Variants in ZNF229 observed in about 807,000 individuals in gnomAD.
The protein encoded by ZNF229 is zinc finger protein 229.
Under a neutral mutation model 11.8 loss-of-function variants are expected in ZNF229, and 10 were observed. That is an observed-to-expected ratio of 0.85 (90% confidence interval 0.52 to 1.44). The LOEUF (loss-of-function observed/expected upper bound fraction) is 1.44. Among genes scored for constraint, ZNF229 ranks in the 40% most tolerant of loss-of-function variants. The pLI is 0.00. For synonymous variants in ZNF229, 368 were observed against 374.8 expected (o/e 0.98, Z 0.21); for missense variants, 1,045 against 1,015.1 (o/e 1.03, Z -0.40).
rs1971657824 is a variant in ZNF229 at position 44,429,302 on chromosome 19, C to A, written c.1479G>T (p.Lys493Asn). 6.2e-7 allele frequency: 1 copy of A among 1,614,008 alleles called. No individual in the cohort carries two copies. Among genetic ancestry groups the A allele is most frequent in the African/African-American group, 1.3e-5 (1 of 74,866 alleles). ...HTGERPYQCD[K>N]CGKGFSHNSY... ...AGTTGTGACTGAAACCTTTGCCACA[C>A]TTGTCACACTGGTAGGGCCTCTCGC... The change falls in exon 6 of 6, where the codon AAG becomes AAT. Residue 493 changes from lysine (K) to asparagine (N), a missense_variant. By Grantham distance (94) the Lys-to-Asn change is moderately conservative. Transcript: ENST00000614049.
chr19:44,432,118 T>C (rs1373364622), intron 5 of ZNF229, 104 bp downstream of exon 5: 3 of 1,484,662 alleles, frequency 2.0e-6, no homozygotes, highest in Admixed American at 2.5e-5. Context: ...TTACAGCAGC[T>C]GAAACTAAGA....
At chr19:44,438,790 G>T (rs1971857693) in intron 4 of ZNF229, among the ~76,000 whole-genome samples, 1 of 152,156 alleles carries the variant, frequency 6.6e-6, no homozygotes, top group East Asian at 1.9e-4. Context: ...TTCTGGGAAG[G>T]TGACATGCCC....
Position 44,430,205 on chromosome 19 carries a change from A to G in ZNF229, c.576T>C (p.Phe192=). ...IPIQGSWAKA[F]VNQLGDVQER... ...CTTGAACATCCCCTAACTGGTTCACAAACGCTTTTGCCCAAGATCCTTGAA... is the reference window on the plus strand; with the variant it reads ...CTTGAACATCCCCTAACTGGTTCACGAACGCTTTTGCCCAAGATCCTTGAA... Residue 192 remains phenylalanine (F), a synonymous_variant, in exon 6 of 6, where the codon TTT becomes TTC. Transcript: ENST00000614049. 6.2e-7 allele frequency: 1 copy of G among 1,614,108 alleles called. No homozygotes were observed. The highest frequency in any genetic ancestry group is 8.5e-7 in the Non-Finnish European group (1 of 1,180,042).
intron 4 of ZNF229, among the ~76,000 whole-genome samples, chr19:44,436,203 T>A (rs149243691): frequency 6.6e-6 from 1 of 152,142 alleles, no homozygotes; most frequent in African/African-American, 2.4e-5. Flanking sequence ...CAAGACCCCA[T>A]ATCTACAAAA....
intron 5 of ZNF229, 69 bp downstream of exon 5, chr19:44,432,153 T>C: frequency 3.9e-6 from 6 of 1,539,394 alleles, no homozygotes; most frequent in Non-Finnish European, 5.2e-6. Flanking sequence ...GGATTTAACC[T>C]GTGTAAAAAA....
chr19:44,428,511 C>T lies in ZNF229; in HGVS notation c.2270G>A (p.Gly757Asp). The change falls in exon 6 of 6, where the codon GGT (glycine) becomes GAT (aspartate). Residue 757 changes from glycine to aspartate, a missense_variant. Physicochemically the swap from Gly to Asp is moderately conservative, Grantham distance 94 (BLOSUM62 -1). Transcript: ENST00000614049. The stretch of plus-strand genomic sequence containing the variant: ...CTCACCAGTGTGGACCCTCTGATGA[C>T]CTTGAAGATGTGAGCTCTGACTATA... ...KGYSQSSHLQ[G>D]HQRVHTGEKP... 6.2e-7 allele frequency: 1 copy of T among 1,609,444 alleles called. No homozygotes were observed. Among genetic ancestry groups the T allele is most frequent in the South Asian group, 1.1e-5 (1 of 90,892 alleles).
rs956473117 is a variant in ZNF229 at position 44,426,701 on chromosome 19, A to G, written c.*1602T>C. 1.3e-5 allele frequency: 2 copies of G among 151,994 alleles called. No homozygotes were observed. The highest frequency in any genetic ancestry group is 2.9e-5 in the Non-Finnish European group (2 of 68,026). 9.4% of individuals were successfully genotyped at this position (151,994 alleles called of 1,614,324 possible). The stretch of plus-strand genomic sequence containing the variant: ...TATTTTAAAAATGTTTTAAATTTAA[A>G]AACTCCACCTTCTGCATGCGTTTTT... On this transcript the variant is annotated 3_prime_UTR_variant, in exon 6 of 6. Coordinates refer to ENST00000614049, the MANE Select transcript of ZNF229 (RefSeq NM_014518.4).
At chr19:44,444,527 G>A (rs1438351627) in intron 2 of ZNF229, among the ~76,000 whole-genome samples, 1 of 152,152 alleles carries the variant, frequency 6.6e-6, no homozygotes, top group Non-Finnish European at 1.5e-5. Context: ...GAAGAGTAGA[G>A]GCCAGATCTG....
At position 44,429,691 on chromosome 19, in the gene ZNF229, G is replaced by C. The variant is rs914557388; in HGVS notation, c.1090C>G (p.Leu364Val). ...CGKGFRYKSV[L>V]LIHQGVHTGR... is the part of the protein sequence containing the mutation. ...GTGTGCACCCCTTGATGAATAAGAA[G>C]AACCGATTTATACCTGAACCCCTTT... Residue 364 changes from leucine to valine, a missense_variant, in exon 6 of 6, where the codon CTT becomes GTT. Leu to Val is a conservative substitution (Grantham distance 32). Transcript: ENST00000614049. 6.2e-7 allele frequency: 1 copy of C among 1,614,108 alleles called. No homozygotes were observed.
chr19:44,429,855 T>C lies in ZNF229; in HGVS notation c.926A>G (p.Asn309Ser). 2 of 1,614,038 alleles carry C rather than the reference T, an allele frequency of 1.2e-6. No individual in the cohort carries two copies. Residue 309 changes from asparagine (N) to serine (S), a missense_variant, in exon 6 of 6, where the codon AAC (asparagine) becomes AGC (serine). Coordinates refer to ENST00000614049, the MANE Select transcript of ZNF229 (RefSeq NM_014518.4). ...SEGLRHSAHL[N>S]RHQRVPTGEK... ...TCCTGTGGGAACTCTTTGATGTCTG[T>C]TAAGATGGGCACTGTGCCTCAAGCC...
intron 4 of ZNF229, among the ~76,000 whole-genome samples, chr19:44,438,938 C>G (rs1600025835): frequency 6.6e-6 from 1 of 152,244 alleles, no homozygotes; most frequent in Admixed American, 6.5e-5. Context: ...GCTGCTCTAG[C>G]AAATTAATCA....
At chr19:44,442,537 T>C in intron 4 of ZNF229, 26 bp downstream of exon 4, 5 of 1,612,404 alleles carry the variant, frequency 3.1e-6, no homozygotes, top group Non-Finnish European at 4.2e-6. Flanking sequence ...AGGTGGTATT[T>C]CGGGAGAGAA....
Position 44,442,974 on chromosome 19 carries a change from T to A in ZNF229, c.-127A>T. On this transcript the variant is annotated 5_prime_UTR_variant, in exon 3 of 6. Transcript: ENST00000614049. ...AACTCTCCAAGCTCTGACAAGTTCC[T>A]GTCTCCACCTTTACTGTCCAGAGCG... 1 of 1,127,402 alleles carries A rather than the reference T, an allele frequency of 8.9e-7. No individual in the cohort carries two copies. Among genetic ancestry groups the A allele is most frequent in the Non-Finnish European group, 1.3e-6 (1 of 757,194 alleles). 69.8% of individuals were successfully genotyped at this position (1,127,402 alleles called of 1,614,324 possible). A position where few individuals can be genotyped will look rare whatever the true frequency, so the allele number is the denominator to read the frequency against.
At chr19:44,442,280 C>T (rs1006315791) in intron 4 of ZNF229, among the ~76,000 whole-genome samples, 22 of 152,198 alleles carry the variant, frequency 1.4e-4, no homozygotes, top group Admixed American at 1.2e-3. Context: ...TAGGCTTGGG[C>T]CTCTGCGTGA....
At chr19:44,432,069 A>C in intron 5 of ZNF229, 153 bp downstream of exon 5, 3 of 1,381,248 alleles carry the variant, frequency 2.2e-6, no homozygotes, top group Non-Finnish European at 1.9e-6. Context: ...TCCAGAAATA[A>C]ACTTCTGTTG....
At chr19:44,431,731 C>T (rs1189754991) in intron 5 of ZNF229, 2 of 985,546 alleles carry the variant, frequency 2.0e-6, no homozygotes, top group African/African-American at 3.5e-5. Context: ...CAGCAAGGCT[C>T]TTGTCTCCAA....
At chr19:44,443,210 C>T (rs755399455) in intron 2 of ZNF229, among the ~76,000 whole-genome samples, 186 bp from the exon 3 acceptor site, 10 of 152,250 alleles carry the variant, frequency 6.6e-5, no homozygotes, top group Non-Finnish European at 1.3e-4. Flanking sequence ...TGGGTAAGGA[C>T]AGTCACAGAA....
chr19:44,432,039 C>A (rs985673019), intron 5 of ZNF229, 183 bp downstream of exon 5: 7 of 1,230,514 alleles, frequency 5.7e-6, no homozygotes, highest in Admixed American at 3.6e-5. Context: ...ATGCTGGCAC[C>A]CTGATCTCAG....
At chr19:44,431,969 G>T in intron 5 of ZNF229, 1 of 692,068 alleles carries the variant, frequency 1.4e-6, no homozygotes, top group Non-Finnish European at 2.0e-6. Flanking sequence ...TGCTACGTGA[G>T]GACACAAAAG....
Sources: gnomAD v4.1 joint callset for allele counts (sites outside exome capture counted in the v4.1 genomes callset) on GRCh38, gnomAD v4.1.1 for gene constraint, MANE v1.5 for transcripts, NCBI Gene and HGNC (gene_info 2026-07-23, HGNC 2026-07-21) for gene names.